The following HELZ variants were observed in gnomAD, a reference collection of about 807,000 sequenced individuals.
The protein encoded by HELZ is helicase with zinc finger.
HELZ carries 23 observed loss-of-function variants against 218.2 expected under a neutral mutation model. The ratio of observed to expected loss-of-function variants is 0.11; its 90% CI spans 0.08 to 0.15. The LOEUF (loss-of-function observed/expected upper bound fraction) is 0.15. HELZ is among the 10% of genes least tolerant of loss of function. The probability of loss-of-function intolerance (pLI) is 1.00; values close to 1 mark genes in which losing one functional copy is unlikely to be tolerated. For synonymous variants in HELZ, 814 were observed against 829.4 expected (o/e 0.98, Z 0.32); for missense variants, 1,813 against 2,353.7 (o/e 0.77, Z 4.75).
At chr17:67,089,836 T>A (rs2036526812) in intron 31 of HELZ, among the ~76,000 whole-genome samples, 2 of 151,298 alleles carry the variant, frequency 1.3e-5, no homozygotes, top group African/African-American at 4.8e-5. Flanking sequence ...TTGGGCTTTT[T>A]CTATACTGAC....
At chr17:67,087,679 C>A (rs558889844) in intron 31 of HELZ, among the ~76,000 whole-genome samples, 7 of 152,322 alleles carry the variant, frequency 4.6e-5, no homozygotes, top group South Asian at 2.1e-4. Context: ...TCAAATGACA[C>A]AGCATACTCA....
At position 67,192,456 on chromosome 17, in the gene HELZ, C is replaced by T. The variant is rs572277375; in HGVS notation, c.557+1511G>A. 2.0e-5 allele frequency among the ~76,000 whole-genome samples: 3 copies of T among 152,220 alleles called. No homozygotes were observed. The South Asian group carries it at 6.2e-4, about 32-fold the overall frequency. On this transcript the variant is annotated intron_variant, in intron 9 of 32. Coordinates refer to ENST00000358691, the MANE Select transcript of HELZ (RefSeq NM_014877.4). ...TTATACTATTTATTAAATTCTCTTA[C>T]ACTTTTGAAGACACATTTAAAATCA...
chr17:67,178,811 C>T lies in HELZ; in HGVS notation c.1278G>A (p.Lys426=). The T allele has an allele frequency of 6.2e-7, 1 of 1,613,894 alleles. No homozygotes were observed. The highest frequency in any genetic ancestry group is 8.5e-7 in the Non-Finnish European group (1 of 1,179,882). ...GAATTTGGTATCTGATAAGAAGGCT[C>T]TTCTCCAAATCAGTAGTTTCATTAG... is the stretch of plus-strand genomic sequence containing the variant. ...FEPNETTDLE[K]SLLIRYQIPL... is the part of the protein sequence containing the mutation. The change falls in exon 13 of 33, where the codon AAG becomes AAA. Residue 426 remains lysine, a synonymous_variant. Transcript: ENST00000358691.
At chr17:67,161,977 A>C (rs2039005893) in intron 15 of HELZ, among the ~76,000 whole-genome samples, 1 of 152,264 alleles carries the variant, frequency 6.6e-6, no homozygotes, top group African/African-American at 2.4e-5. Flanking sequence ...AGAAACTCTT[A>C]GAAAATTTAA....
At chr17:67,157,614 A>G (rs1249886043) in intron 17 of HELZ, among the ~76,000 whole-genome samples, 1 of 152,206 alleles carries the variant, frequency 6.6e-6, no homozygotes, top group African/African-American at 2.4e-5. Context: ...AGTAATACCA[A>G]TTAAGGAATT....
At chr17:67,160,121 G>A in intron 17 of HELZ, 140 bp downstream of exon 17, 1 of 591,700 alleles carries the variant, frequency 1.7e-6, no homozygotes. Context: ...AATTTAAACA[G>A]TTTCTTCAAA....
At chr17:67,105,567 T>C (rs568047475) in intron 31 of HELZ, among the ~76,000 whole-genome samples, 2 of 152,312 alleles carry the variant, frequency 1.3e-5, no homozygotes, top group South Asian at 4.1e-4. Context: ...TACACTAAAA[T>C]CCACCAAATT....
chr17:67,134,524 CTTTG>C (rs2038085392), intron 23 of HELZ, among the ~76,000 whole-genome samples: 1 of 151,974 alleles, frequency 6.6e-6, no homozygotes, highest in Admixed American at 6.5e-5. Flanking sequence ...ACCCTTCAAG[CTTTG>C]TTTTTTAAAA....
intron 32 of HELZ, among the ~76,000 whole-genome samples, chr17:67,081,551 G>A (rs986251548): frequency 6.6e-6 from 1 of 152,176 alleles, no homozygotes; most frequent in African/African-American, 2.4e-5. Context: ...AATATTGATT[G>A]TTATTGCTTT....
At chr17:67,084,431 G>A (rs1231492291) in intron 32 of HELZ, among the ~76,000 whole-genome samples, 2 of 152,144 alleles carry the variant, frequency 1.3e-5, no homozygotes, top group South Asian at 2.1e-4. Context: ...GGGAGGCCGA[G>A]GCGGGCGGAT....
At chr17:67,167,927 A>G (rs2039195347) in intron 13 of HELZ, 131 bp from the exon 14 acceptor site, 7 of 665,890 alleles carry the variant, frequency 1.1e-5, no homozygotes, top group Non-Finnish European at 1.3e-5. Context: ...CACTTCATTG[A>G]GCTAAAAACT....
Position 67,123,119 on chromosome 17 carries a change from C to T in HELZ, c.3481G>A (p.Ala1161Thr). The T allele has an allele frequency of 1.2e-6, 2 of 1,613,616 alleles. No homozygotes were observed. The highest frequency in any genetic ancestry group is 1.7e-6 in the Non-Finnish European group (2 of 1,179,666). The change falls in exon 26 of 33, where the codon GCA becomes ACA. Residue 1161 changes from alanine (A) to threonine (T), a missense_variant. By Grantham distance (58) the Ala-to-Thr change is moderately conservative. Around this residue, in one of 4 missense-constraint regions of HELZ, gnomAD observed 938 missense variants for 1,027.5 expected, o/e 0.91. Coordinates refer to ENST00000358691, the MANE Select transcript of HELZ (RefSeq NM_014877.4). ...CCAAGAGGGGGTGGAGGAGTATATGCTCTAATAGGATTGCCAATAAGTACA... is the reference window on the plus strand; with the variant it reads ...CCAAGAGGGGGTGGAGGAGTATATGTTCTAATAGGATTGCCAATAAGTACA... ...PSVLIGNPIR[A>T]YTPPPPLGPH...
At chr17:67,244,696 CG>C (rs1310050016) in intron 1 of HELZ, 2 of 983,638 alleles carry the variant, frequency 2.0e-6, no homozygotes, top group Non-Finnish European at 1.2e-6. Flanking sequence ...CCACCCCACC[CG>C]GTGGAAGTCC....
intron 26 of HELZ, 137 bp from the exon 27 acceptor site, chr17:67,120,749 T>C (rs1394056015): frequency 1.6e-6 from 1 of 639,910 alleles, no homozygotes; most frequent in East Asian, 2.7e-5. Context: ...TTTCTCAAAA[T>C]AAATAACTAC....
At chr17:67,167,063 A>G (rs1490093877) in intron 14 of HELZ, among the ~76,000 whole-genome samples, 1 of 152,246 alleles carries the variant, frequency 6.6e-6, no homozygotes, top group African/African-American at 2.4e-5. Flanking sequence ...ATGTTTAAAA[A>G]GAGAAAAGAT....
At chr17:67,116,900 G>C (rs1198131455) in intron 27 of HELZ, among the ~76,000 whole-genome samples, 4 of 152,136 alleles carry the variant, frequency 2.6e-5, no homozygotes, top group Admixed American at 2.0e-4. Context: ...TTGTTGCCCA[G>C]GCTGGAGTGC....
intron 3 of HELZ, among the ~76,000 whole-genome samples, chr17:67,236,559 T>A (rs2041191247): frequency 6.6e-6 from 1 of 152,204 alleles, no homozygotes; most frequent in Admixed American, 6.6e-5. Context: ...CATGACTTGA[T>A]GAAATTATTT....
chr17:67,217,432 T>C (rs2040628838), intron 4 of HELZ, among the ~76,000 whole-genome samples: 1 of 152,180 alleles, frequency 6.6e-6, no homozygotes, highest in Admixed American at 6.5e-5. Context: ...TCCAATCTAG[T>C]CTCCTTGCAT....
chr17:67,118,762 T>C (rs2037508134), intron 27 of HELZ, among the ~76,000 whole-genome samples: 1 of 145,854 alleles, frequency 6.9e-6, no homozygotes, highest in African/African-American at 2.5e-5. Context: ...ATATATCTCA[T>C]TAAAGATTAG....
Sources: gnomAD v4.1 joint callset for allele counts (sites outside exome capture counted in the v4.1 genomes callset) on GRCh38, gnomAD v4.1.1 for gene constraint, gnomAD v4.1.1 regional missense constraint, MANE v1.5 for transcripts, NCBI Gene and HGNC (gene_info 2026-07-23, HGNC 2026-07-21) for gene names.